The following DNAJC6 variants were observed in gnomAD, a reference collection of about 807,000 sequenced individuals.
The protein encoded by DNAJC6 is DnaJ heat shock protein family (Hsp40) member C6.
In DNAJC6, 34 loss-of-function variants were observed where a neutral mutation model predicts 110.0. That is an observed-to-expected ratio of 0.31 (90% CI 0.24 to 0.41). The LOEUF (loss-of-function observed/expected upper bound fraction) is 0.41. Ranked by LOEUF, DNAJC6 falls within the 10% of genes least tolerant of loss-of-function variation. DNAJC6 has a pLI of 1.00. For missense variants in DNAJC6, 1,031 were observed against 1,207.8 expected, an observed-to-expected ratio of 0.85 and a Z score of 2.17; for synonymous variants, 406 against 437.2, an observed-to-expected ratio of 0.93 and a Z score of 0.89.
intron 1 of DNAJC6, among the ~76,000 whole-genome samples, chr1:65,340,271 T>C (rs1645376853): frequency 1.3e-5 from 2 of 152,186 alleles, no homozygotes; most frequent in African/African-American, 4.8e-5. Flanking sequence ...GGCTCCACTG[T>C]TGTGCTGGCC....
chr1:65,285,201 A>G (rs1462044864), intron 1 of DNAJC6, among the ~76,000 whole-genome samples: 1 of 152,200 alleles, frequency 6.6e-6, no homozygotes, highest in African/African-American at 2.4e-5. Flanking sequence ...TTCCTTGCAC[A>G]GAGGTAGGAG....
intron 1 of DNAJC6, among the ~76,000 whole-genome samples, chr1:65,288,825 C>T (rs569992649): frequency 6.6e-6 from 1 of 151,952 alleles, no homozygotes; most frequent in South Asian, 2.1e-4. Flanking sequence ...TTTGTGAGAC[C>T]CATTGTGTGG....
chr1:65,377,651 A>G (rs78399494), intron 4 of DNAJC6, among the ~76,000 whole-genome samples: 1,641 of 152,296 alleles, frequency 0.011, 22 homozygotes, highest in African/African-American at 0.038. Context: ...TTACAAATTA[A>G]CAAAAAAGAA....
At chr1:65,388,648 G>T (rs1364830665) in intron 9 of DNAJC6, among the ~76,000 whole-genome samples, 2 of 152,212 alleles carry the variant, frequency 1.3e-5, no homozygotes, top group Non-Finnish European at 2.9e-5. Flanking sequence ...AATTCTATGT[G>T]AGGGAATAAG....
intron 1 of DNAJC6, among the ~76,000 whole-genome samples, chr1:65,300,848 A>G (rs1644972391): frequency 6.6e-6 from 1 of 152,128 alleles, no homozygotes; most frequent in African/African-American, 2.4e-5. Flanking sequence ...TGGGGTGGTG[A>G]CTGCCTTCTG....
intron 5 of DNAJC6, among the ~76,000 whole-genome samples, chr1:65,380,288 A>G (rs973249354): frequency 6.6e-6 from 1 of 152,200 alleles, no homozygotes; most frequent in African/African-American, 2.4e-5. Flanking sequence ...CACAAATGGA[A>G]TCTGAGCATT....
At chr1:65,299,308 AC>A (rs1557505784) in intron 1 of DNAJC6, among the ~76,000 whole-genome samples, 2 of 152,198 alleles carry the variant, frequency 1.3e-5, no homozygotes, top group South Asian at 4.1e-4. Context: ...GCTCTGTATC[AC>A]CTTTAATGGC....
chr1:65,338,708 A>G (rs1256342084), intron 1 of DNAJC6, among the ~76,000 whole-genome samples: 1 of 152,152 alleles, frequency 6.6e-6, no homozygotes, highest in Non-Finnish European at 1.5e-5. Context: ...GTGTGTATCT[A>G]TCCACTCTCT....
At chr1:65,357,664 C>T (rs572819788) in intron 1 of DNAJC6, among the ~76,000 whole-genome samples, 21 of 152,230 alleles carry the variant, frequency 1.4e-4, no homozygotes, top group Admixed American at 3.3e-4. Context: ...CCTGGCAAGC[C>T]CCTAGCCTGC....
intron 1 of DNAJC6, among the ~76,000 whole-genome samples, chr1:65,337,866 G>A (rs960447621): frequency 9.9e-5 from 15 of 152,014 alleles, no homozygotes; most frequent in African/African-American, 2.4e-4. Context: ...GTATATAGAG[G>A]GACATCAGTA....
At chr1:65,410,731 T>C (rs1174191830) in intron 17 of DNAJC6, among the ~76,000 whole-genome samples, 1 of 152,242 alleles carries the variant, frequency 6.6e-6, no homozygotes, top group Non-Finnish European at 1.5e-5. Flanking sequence ...TTTTGAGCTC[T>C]GTTCTGCACC....
intron 2 of DNAJC6, 121 bp from the exon 3 acceptor site, chr1:65,365,764 G>A (rs1418019790): frequency 5.8e-6 from 6 of 1,042,022 alleles, no homozygotes; most frequent in Non-Finnish European, 8.6e-6. Context: ...GGGCTGGAGG[G>A]GAGTCGAAAC....
chr1:65,399,921 T>A (rs1337949404), intron 14 of DNAJC6, among the ~76,000 whole-genome samples: 1 of 152,112 alleles, frequency 6.6e-6, no homozygotes, highest in South Asian at 2.1e-4. Context: ...TGGCTCACGC[T>A]TATAATCCCA....
At chr1:65,304,718 G>A (rs189796065), upstream of DNAJC6, among the ~76,000 whole-genome samples, 6 of 152,230 alleles carry the variant, frequency 3.9e-5, no homozygotes, top group Non-Finnish European at 5.9e-5. Context: ...ATCTCTCTTG[G>A]GGGTATTTCT....
intron 4 of DNAJC6, among the ~76,000 whole-genome samples, chr1:65,367,104 A>G (rs1313707720): frequency 6.6e-6 from 1 of 152,158 alleles, no homozygotes; most frequent in Non-Finnish European, 1.5e-5. Context: ...TCAATAAGCT[A>G]TGGGAGAGTT....
In DNAJC6 at chr1:65,379,513, G is replaced by A. The variant is rs774761455; in HGVS notation, c.655G>A (p.Val219Ile). 6.2e-7 allele frequency: 1 copy of A among 1,613,980 alleles called. No individual in the cohort carries two copies. Among genetic ancestry groups the A allele is most frequent in the East Asian group, 2.2e-5 (1 of 44,862 alleles). ...LLQNPKNVCV[V>I]HCLDGRAASS... The stretch of plus-strand genomic sequence containing the variant: ...GCAGAATCCCAAAAATGTCTGTGTT[G>A]TCCACTGCTTGGTGAGTAACCTTTT... The change falls in exon 5 of 19, where the codon GTC (valine) becomes ATC (isoleucine). Residue 219 changes from valine (V) to isoleucine (I), a missense_variant. Coordinates refer to ENST00000371069, the MANE Select transcript of DNAJC6 (RefSeq NM_001256864.2).
intron 1 of DNAJC6, among the ~76,000 whole-genome samples, chr1:65,330,459 C>CT (rs554827732): frequency 2.4e-3 from 356 of 149,092 alleles, no homozygotes; most frequent in African/African-American, 3.3e-3. Context: ...AAGTCTATTT[C>CT]TTTTTTTTTT....
At chr1:65,265,257 G>T (rs1043918482) in intron 1 of DNAJC6, among the ~76,000 whole-genome samples, 3 of 151,986 alleles carry the variant, frequency 2.0e-5, no homozygotes, top group Admixed American at 1.3e-4. Flanking sequence ...ATTTTATTTT[G>T]GGGGTGTTCA....
chr1:65,406,963 G>A (rs1038471853), intron 16 of DNAJC6, among the ~76,000 whole-genome samples: 4 of 152,260 alleles, frequency 2.6e-5, no homozygotes, highest in Admixed American at 2.6e-4. Context: ...CTTACTGTAT[G>A]GCAGGTGCTA....
Sources: allele counts gnomAD v4.1 joint callset (sites outside exome capture counted in the v4.1 genomes callset), GRCh38; gene constraint gnomAD v4.1.1; transcripts MANE v1.5; gene names NCBI Gene and HGNC (gene_info 2026-07-23, HGNC 2026-07-21).